The following TUSC3 variants were observed in gnomAD, a reference collection of about 807,000 sequenced individuals.
TUSC3 encodes dolichyl-diphosphooligosaccharide--protein glycosyltransferase subunit TUSC3.
Under a neutral mutation model 44.8 loss-of-function variants are expected in TUSC3, and 45 were observed. The ratio of observed to expected loss-of-function variants is 1.00; its 90% CI spans 0.79 to 1.29. TUSC3 has a LOEUF of 1.29. Among genes scored for constraint, TUSC3 ranks in the 50% most tolerant of loss-of-function variants. The pLI is 0.00. For missense variants in TUSC3, 519 were observed against 437.9 expected (o/e 1.19, Z -1.65); for synonymous variants, 212 against 152.9 (o/e 1.39, Z -2.85).
chr8:15,652,100 T>A (rs1350149167), intron 3 of TUSC3, among the ~76,000 whole-genome samples: 1 of 152,228 alleles, frequency 6.6e-6, no homozygotes, highest in Non-Finnish European at 1.5e-5. Flanking sequence ...ACCCTGCAGT[T>A]CATTATTATT....
intron 9 of TUSC3, among the ~76,000 whole-genome samples, chr8:15,753,946 G>C (rs1216572504): frequency 3.9e-5 from 6 of 152,092 alleles, no homozygotes; most frequent in African/African-American, 1.4e-4. Flanking sequence ...AATTCTGATA[G>C]TAGTTGAAAG....
At chr8:15,463,013 T>G (rs1800366916) in intron 1 of TUSC3, among the ~76,000 whole-genome samples, 1 of 152,020 alleles carries the variant, frequency 6.6e-6, no homozygotes, top group South Asian at 2.1e-4. Flanking sequence ...CTTCTCTTTA[T>G]TTTCTGTTTC....
intron 1 of TUSC3, among the ~76,000 whole-genome samples, chr8:15,565,707 G>T (rs780489609): frequency 6.6e-6 from 1 of 152,116 alleles, no homozygotes; most frequent in Non-Finnish European, 1.5e-5. Flanking sequence ...AACACATGCA[G>T]TGGTTTCTGT....
chr8:15,695,482 G>T (rs745800417), intron 6 of TUSC3, among the ~76,000 whole-genome samples: 2 of 152,164 alleles, frequency 1.3e-5, no homozygotes, highest in Non-Finnish European at 2.9e-5. Flanking sequence ...AGGCTTGGGT[G>T]TGTCTTTATC....
At chr8:15,767,933 G>T (rs763952648), downstream of TUSC3, among the ~76,000 whole-genome samples, 1 of 152,166 alleles carries the variant, frequency 6.6e-6, no homozygotes, top group African/African-American at 2.4e-5. Context: ...AATGCTACAT[G>T]TAACAGGGAC....
chr8:15,573,895 G>C (rs1802988495), intron 1 of TUSC3, among the ~76,000 whole-genome samples: 1 of 152,014 alleles, frequency 6.6e-6, no homozygotes, highest in Admixed American at 6.6e-5. Context: ...TCCAAATATG[G>C]GGGGTGATAG....
At chr8:15,427,792 T>A (rs1799822993) in intron 1 of TUSC3, among the ~76,000 whole-genome samples, 1 of 152,120 alleles carries the variant, frequency 6.6e-6, no homozygotes. Context: ...TTTTGTTGCC[T>A]GTGCTTTGTT....
chr8:15,566,120 A>G (rs186073269), intron 1 of TUSC3, among the ~76,000 whole-genome samples: 1 of 152,252 alleles, frequency 6.6e-6, no homozygotes, highest in East Asian at 1.9e-4. Context: ...ACTGGTATGC[A>G]TTCTCAGTGT....
rs563514425 is a variant in TUSC3 at position 15,469,843 on chromosome 8, A to T, written n.92-13543A>T. Among the ~76,000 whole-genome samples, 21 of 152,388 alleles carry T rather than the reference A, an allele frequency of 1.4e-4. 1 individual carries two copies. The highest frequency in any genetic ancestry group is 4.8e-4 in the African/African-American group (20 of 41,598). Reference sequence around the variant, plus strand: ...AAATGAGCTATGAAGCCATGAAAAGACAGGGAAGAAACATAAGTGTATGTT... The same window carrying T: ...AAATGAGCTATGAAGCCATGAAAAGTCAGGGAAGAAACATAAGTGTATGTT... On this transcript the variant is annotated intron_variant and non_coding_transcript_variant, in intron 1 of 5. Coordinates refer to the TUSC3 transcript ENST00000503191.
At chr8:15,841,277 T>C in the TUSC3 span, among the ~76,000 whole-genome samples, 5 of 152,116 alleles carry the variant, frequency 3.3e-5, no homozygotes, top group Non-Finnish European at 7.4e-5. Flanking sequence ...AGACTAGGAA[T>C]TGGATTATAT....
chr8:15,741,409 A>G (rs116036931), intron 7 of TUSC3, among the ~76,000 whole-genome samples: 1,789 of 152,306 alleles, frequency 0.012, 36 homozygotes, highest in African/African-American at 0.041. Context: ...TGTTTTGAAT[A>G]TTTAAAAATG....
intron 1 of TUSC3, among the ~76,000 whole-genome samples, chr8:15,618,894 C>T (rs1329094858): frequency 6.6e-6 from 1 of 152,080 alleles, no homozygotes; most frequent in Non-Finnish European, 1.5e-5. Context: ...TTTTCAGCCC[C>T]ATTATAATCT....
the TUSC3 span, among the ~76,000 whole-genome samples, chr8:15,810,337 C>T: frequency 6.6e-6 from 1 of 152,118 alleles, no homozygotes; most frequent in Non-Finnish European, 1.5e-5. Flanking sequence ...ATGTTGAATA[C>T]TCTGGGGAAG....
chr8:15,650,472 C>T (rs1377993572), intron 2 of TUSC3, among the ~76,000 whole-genome samples: 1 of 151,996 alleles, frequency 6.6e-6, no homozygotes, highest in Non-Finnish European at 1.5e-5. Flanking sequence ...ATAAATGTGG[C>T]TGTGTCGCAA....
At chr8:15,569,502 T>A (rs1474254134) in intron 1 of TUSC3, among the ~76,000 whole-genome samples, 2 of 152,170 alleles carry the variant, frequency 1.3e-5, no homozygotes, top group South Asian at 2.1e-4. Flanking sequence ...GACATCTGGA[T>A]CTGGGCAAAG....
chr8:15,770,364 C>T (rs898170407), downstream of TUSC3, among the ~76,000 whole-genome samples: 19 of 152,154 alleles, frequency 1.2e-4, no homozygotes, highest in African/African-American at 9.6e-5. Context: ...ACAGTGAGAA[C>T]GCATGGACAC....
intron 6 of TUSC3, among the ~76,000 whole-genome samples, chr8:15,718,769 A>C (rs965398405): frequency 6.6e-6 from 1 of 152,084 alleles, no homozygotes; most frequent in African/African-American, 2.4e-5. Flanking sequence ...TAAATGGTCT[A>C]TATTTGTATT....
At chr8:15,805,139 T>A in the TUSC3 span, among the ~76,000 whole-genome samples, 1 of 152,140 alleles carries the variant, frequency 6.6e-6, no homozygotes, top group African/African-American at 2.4e-5. Flanking sequence ...GCTTGAACGT[T>A]ATTGGTGTAT....
intron 1 of TUSC3, among the ~76,000 whole-genome samples, chr8:15,587,894 G>A (rs1803663536): frequency 6.6e-6 from 1 of 151,906 alleles, no homozygotes; most frequent in African/African-American, 2.4e-5. Flanking sequence ...CTAATGACAG[G>A]ATTTCATCTT....
Sources: gnomAD v4.1 joint callset for allele counts (sites outside exome capture counted in the v4.1 genomes callset) on GRCh38, gnomAD v4.1.1 for gene constraint, MANE v1.5 for transcripts, NCBI Gene and HGNC (gene_info 2026-07-23, HGNC 2026-07-21) for gene names.